Variants in TRIP12 observed in about 807,000 individuals in gnomAD.
The protein encoded by TRIP12 is E3 ubiquitin-protein ligase TRIP12.
A neutral mutation model predicts 244.2 loss-of-function variants in TRIP12; 25 were observed. The observed-to-expected ratio is 0.10, with a 90% CI of 0.07 to 0.14. The LOEUF is 0.14. Ranked by LOEUF, TRIP12 falls within the 10% of genes least tolerant of loss-of-function variation. TRIP12 has a pLI of 1.00. For synonymous variants in TRIP12, 905 were observed against 873.1 expected, an observed-to-expected ratio of 1.04 and a Z score of -0.64; for missense variants, 1,677 against 2,486.4, an observed-to-expected ratio of 0.67 and a Z score of 6.92.
chr2:229,844,140 T>A (rs1156814775), intron 4 of TRIP12, among the ~76,000 whole-genome samples: 1 of 152,190 alleles, frequency 6.6e-6, no homozygotes, highest in African/African-American at 2.4e-5. Flanking sequence ...ACCTTAGATA[T>A]TTTACTTACT....
chr2:229,919,951 T>C (rs577346103), intron 1 of TRIP12, among the ~76,000 whole-genome samples: 1 of 152,338 alleles, frequency 6.6e-6, no homozygotes, highest in African/African-American at 2.4e-5. Context: ...TCTGTATACT[T>C]TAAAACTTAC....
chr2:229,773,981 G>T, intron 38 of TRIP12, 116 bp downstream of exon 38: 1 of 1,062,636 alleles, frequency 9.4e-7, no homozygotes, highest in Non-Finnish European at 1.4e-6. Flanking sequence ...TCATGCAGTG[G>T]TCCTGGGGAT....
rs182070445 is a variant in TRIP12, at chr2:229,770,463, C to T, written c.5808+1056G>A. Among the ~76,000 whole-genome samples, 91 of 152,180 alleles carry T rather than the reference C, an allele frequency of 6.0e-4. 1 individual carries two copies. The highest frequency in any genetic ancestry group is 1.9e-3 in the African/African-American group (78 of 41,508). On this transcript the variant is annotated intron_variant, in intron 39 of 41. Transcript: ENST00000675903. ...GACACAAATATAACTGAGATTAAGA[C>T]GTTAAGTTAATCAAAAATTTATAGA...
chr2:229,879,897 T>C (rs2064460898), intron 2 of TRIP12, 85 bp downstream of exon 2: 3 of 1,450,172 alleles, frequency 2.1e-6, no homozygotes, highest in South Asian at 2.3e-5. Context: ...CAATGAACCA[T>C]TCAAGTTTTG....
chr2:229,816,681 T>C (rs2048580371), intron 9 of TRIP12, among the ~76,000 whole-genome samples: 2 of 152,236 alleles, frequency 1.3e-5, no homozygotes, highest in Non-Finnish European at 2.9e-5. Flanking sequence ...TAAAGTGAAT[T>C]ATGTGTCAAC....
In TRIP12 at chr2:229,805,481, A is replaced by C. The variant is rs372109398; in HGVS notation, c.2650+249T>G. Among the ~76,000 whole-genome samples the C allele has an allele frequency of 4.6e-4, 70 of 152,318 alleles. 3 individuals carry two copies. The South Asian group carries it at 0.015, about 32-fold the overall frequency. On this transcript the variant is annotated intron_variant, in intron 18 of 41. Coordinates refer to ENST00000675903, the MANE Select transcript of TRIP12 (RefSeq NM_001348323.3). The stretch of plus-strand genomic sequence containing the variant: ...AATAGTAATGACAGGATCAGATAAA[A>C]ATCTGTATGAGCAAATTCTGACTCG...
intron 1 of TRIP12, among the ~76,000 whole-genome samples, chr2:229,881,938 A>G (rs2064972672): frequency 6.6e-6 from 1 of 152,224 alleles, no homozygotes; most frequent in Admixed American, 6.5e-5. Flanking sequence ...ATTGAGACTG[A>G]TTGTCAATTT....
At chr2:229,768,587 T>G (rs754563566) in intron 41 of TRIP12, 29 bp downstream of exon 41, 13 of 1,601,626 alleles carry the variant, frequency 8.1e-6, no homozygotes, top group Non-Finnish European at 1.1e-5. Context: ...ATAGGTAGAA[T>G]AAATGCTAAA....
chr2:229,904,717 C>T (rs1308865741), intron 1 of TRIP12, among the ~76,000 whole-genome samples: 1 of 152,010 alleles, frequency 6.6e-6, no homozygotes, highest in African/African-American at 2.4e-5. Context: ...GAAATAAATG[C>T]CTCAAAAAGC....
intron 4 of TRIP12, among the ~76,000 whole-genome samples, chr2:229,852,661 T>C (rs565400684): frequency 6.6e-6 from 1 of 152,278 alleles, no homozygotes; most frequent in East Asian, 1.9e-4. Context: ...AGAATGACCT[T>C]TGTCTCAGAG....
chr2:229,800,419 T>C (rs2043975646), intron 21 of TRIP12, among the ~76,000 whole-genome samples: 1 of 152,168 alleles, frequency 6.6e-6, no homozygotes. Context: ...AAAAATGTTG[T>C]GGTTTAGTTG....
intron 30 of TRIP12, among the ~76,000 whole-genome samples, chr2:229,789,982 A>G (rs916276461): frequency 1.3e-5 from 2 of 152,230 alleles, no homozygotes; most frequent in African/African-American, 4.8e-5. Context: ...CCATACACAA[A>G]TAAACATTAT....
At chr2:229,837,590 T>C (rs1186560654) in intron 5 of TRIP12, among the ~76,000 whole-genome samples, 1 of 152,058 alleles carries the variant, frequency 6.6e-6, no homozygotes, top group Non-Finnish European at 1.5e-5. Context: ...GCCGAGATCA[T>C]GCCACTGCAC....
intron 19 of TRIP12, 124 bp from the exon 20 acceptor site, chr2:229,803,813 T>C: frequency 2.2e-6 from 2 of 897,224 alleles, no homozygotes; most frequent in Non-Finnish European, 3.4e-6. Context: ...CATAAACATT[T>C]TTCTTAAATG....
intron 1 of TRIP12, among the ~76,000 whole-genome samples, chr2:229,902,303 C>G (rs571287051): frequency 6.6e-6 from 1 of 152,194 alleles, no homozygotes; most frequent in East Asian, 1.9e-4. Flanking sequence ...TCACTTAAAC[C>G]CAGGAGGCGG....
At chr2:229,883,175 C>A (rs2065227229) in intron 1 of TRIP12, among the ~76,000 whole-genome samples, 2 of 152,242 alleles carry the variant, frequency 1.3e-5, no homozygotes, top group African/African-American at 4.8e-5. Context: ...AAGAAAGTTC[C>A]AAGTAATTTG....
chr2:229,922,394 T>G, upstream of TRIP12: 1 of 943,802 alleles, frequency 1.1e-6, no homozygotes, highest in African/African-American at 1.6e-5. Flanking sequence ...TCGCCCCAAG[T>G]TAGAAATCCT....
At chr2:229,780,521 A>C (rs1007089782) in intron 34 of TRIP12, among the ~76,000 whole-genome samples, 1 of 152,136 alleles carries the variant, frequency 6.6e-6, no homozygotes, top group African/African-American at 2.4e-5. Flanking sequence ...GCACAGCTCC[A>C]GTTCTTACCA....
rs574882092 is a variant in TRIP12 at position 229,884,854 on chromosome 2, C to A, written c.-49-4726G>T. Among the ~76,000 whole-genome samples, 6 of 152,144 alleles carry A rather than the reference C, an allele frequency of 3.9e-5. No individual in the cohort carries two copies. In the South Asian group the frequency reaches 1.2e-3, roughly 32 times the overall value. ...GGCAGGACGGTGCACACCTGTGGTC[C>A]CAGCAACTCAGAAGGCTGAGGTGGA... On this transcript the variant is annotated intron_variant, in intron 1 of 41. Transcript: ENST00000675903.
Sources: allele counts gnomAD v4.1 joint callset (sites outside exome capture counted in the v4.1 genomes callset), GRCh38; gene constraint gnomAD v4.1.1; transcripts MANE v1.5; gene names NCBI Gene and HGNC (gene_info 2026-07-23, HGNC 2026-07-21).